The following SRFBP1 variants were observed in gnomAD, a reference collection of about 807,000 sequenced individuals.
The protein encoded by SRFBP1 is serum response factor binding protein 1.
A neutral mutation model predicts 45.5 loss-of-function variants in SRFBP1; 47 were observed. The observed-to-expected ratio is 1.03, with a 90% CI of 0.82 to 1.32. The LOEUF (loss-of-function observed/expected upper bound fraction) is 1.32, where lower values mean the gene tolerates loss of function less well. Among genes scored for constraint, SRFBP1 ranks in the 40% most tolerant of loss-of-function variants. The pLI is 0.00. For synonymous variants in SRFBP1, 203 were observed against 166.3 expected, an observed-to-expected ratio of 1.22 and a Z score of -1.70; for missense variants, 621 against 484.6, an observed-to-expected ratio of 1.28 and a Z score of -2.64.
chr5:122,022,036 C>T (rs1753336918), intron 6 of SRFBP1, among the ~76,000 whole-genome samples: 2 of 151,968 alleles, frequency 1.3e-5, no homozygotes, highest in South Asian at 2.1e-4. Flanking sequence ...GTCATTCTTC[C>T]TGTGAAAAGA....
chr5:122,074,227 G>A lies in SRFBP1; in HGVS notation n.312-1088G>A, dbSNP rs975322392. ...AGTTACATACAGAGAAAGCAATGAA[G>A]ATATTAAATGACTTCCCCCATGGCT... On this transcript the variant is annotated intron_variant and non_coding_transcript_variant, in intron 2 of 2. Coordinates refer to the SRFBP1 transcript ENST00000504881. 5 of 1,431,322 alleles carry A rather than the reference G, an allele frequency of 3.5e-6. No individual in the cohort carries two copies. The Admixed American group carries it at 5.5e-5, about 16-fold the overall frequency. The allele number at this position is 1,431,322 out of a possible 1,614,324, so 88.7% of individuals were successfully genotyped here.
intron 4 of SRFBP1, among the ~76,000 whole-genome samples, chr5:122,008,139 A>G (rs1334524441): frequency 1.3e-5 from 2 of 151,672 alleles, no homozygotes; most frequent in Non-Finnish European, 2.9e-5. Context: ...TGAGACCACA[A>G]GTGCTGACCT....
At chr5:121,987,004 A>G (rs1308943109) in intron 3 of SRFBP1, among the ~76,000 whole-genome samples, 1 of 152,154 alleles carries the variant, frequency 6.6e-6, no homozygotes, top group Non-Finnish European at 1.5e-5. Flanking sequence ...GAGTACTGAA[A>G]GAATTTAAAT....
At chr5:122,064,108 A>T (rs1754237096) in intron 2 of SRFBP1, 1 of 151,952 alleles carries the variant, frequency 6.6e-6, no homozygotes, top group African/African-American at 2.4e-5. Flanking sequence ...GTTCCTATTT[A>T]GTCCATTTTC....
At chr5:121,962,206 T>TG (rs1751960619) in intron 1 of SRFBP1, 138 bp downstream of exon 1, 1 of 1,029,288 alleles carries the variant, frequency 9.7e-7, no homozygotes, top group Non-Finnish European at 1.5e-6. Flanking sequence ...TCCCGCAACT[T>TG]GGAGTTTGGC....
chr5:122,003,947 T>A (rs1752930260), intron 4 of SRFBP1, among the ~76,000 whole-genome samples: 1 of 152,134 alleles, frequency 6.6e-6, no homozygotes, highest in Non-Finnish European at 1.5e-5. Flanking sequence ...TTTCTATGTT[T>A]TATTTGAGAC....
At chr5:122,038,047 A>G (rs1753719737) in intron 2 of SRFBP1, among the ~76,000 whole-genome samples, 3 of 152,220 alleles carry the variant, frequency 2.0e-5, no homozygotes, top group Admixed American at 2.0e-4. Flanking sequence ...TCTCCCACTC[A>G]TTTTTTATGT....
chr5:122,044,470 T>C (rs1373290658), intron 2 of SRFBP1, among the ~76,000 whole-genome samples: 1 of 152,152 alleles, frequency 6.6e-6, no homozygotes, highest in African/African-American at 2.4e-5. Flanking sequence ...CTTCAACCAG[T>C]AGTGTAAGTA....
At chr5:122,061,278 C>T (rs577874345) in intron 2 of SRFBP1, among the ~76,000 whole-genome samples, 30 of 151,782 alleles carry the variant, frequency 2.0e-4, no homozygotes, top group Non-Finnish European at 3.7e-4. Context: ...CCTACTTATA[C>T]AATTGTGTTA....
intron 3 of SRFBP1, among the ~76,000 whole-genome samples, chr5:121,979,170 A>G (rs1300727135): frequency 6.6e-6 from 1 of 152,220 alleles, no homozygotes; most frequent in African/African-American, 2.4e-5. Context: ...TAATAACTAT[A>G]TCATACCACT....
intron 2 of SRFBP1, chr5:122,070,688 T>TAG (rs1754425103): frequency 1.6e-6 from 1 of 618,956 alleles, no homozygotes; most frequent in African/African-American, 1.8e-5. Flanking sequence ...AGTTAGTACT[T>TAG]ACAAGAGTCT....
At chr5:121,965,901 A>T (rs1752053861) in intron 1 of SRFBP1, among the ~76,000 whole-genome samples, 2 of 152,142 alleles carry the variant, frequency 1.3e-5, no homozygotes, top group African/African-American at 4.8e-5. Flanking sequence ...GAGGTCCTTC[A>T]CATCCCTGTA....
At chr5:121,981,789 A>G (rs1752413383) in intron 3 of SRFBP1, among the ~76,000 whole-genome samples, 1 of 151,926 alleles carries the variant, frequency 6.6e-6, no homozygotes. Flanking sequence ...TTTACTTTGT[A>G]TGTATTTCCG....
chr5:122,068,654 G>A (rs1580558088), intron 2 of SRFBP1, among the ~76,000 whole-genome samples: 1 of 152,234 alleles, frequency 6.6e-6, no homozygotes, highest in East Asian at 1.9e-4. Context: ...TCACTGAGTA[G>A]AGCAGGAGAC....
At chr5:122,000,705 C>T (rs1454321892) in intron 4 of SRFBP1, among the ~76,000 whole-genome samples, 1 of 152,138 alleles carries the variant, frequency 6.6e-6, no homozygotes, top group Admixed American at 6.5e-5. Context: ...AAGATGTTCA[C>T]TCTGACTGGT....
chr5:122,014,493 A>G lies in SRFBP1; in HGVS notation c.271-4767A>G, dbSNP rs142499143. Among the ~76,000 whole-genome samples the G allele has an allele frequency of 8.1e-3, 1,231 of 152,202 alleles. 5 individuals are homozygous for G. The highest frequency in any genetic ancestry group is 0.012 in the Non-Finnish European group (834 of 67,986). On this transcript the variant is annotated intron_variant, in intron 4 of 7. Coordinates refer to ENST00000339397, the MANE Select transcript of SRFBP1 (RefSeq NM_152546.3). ...CAGTCTCATTTTATATAAACTTGAT[A>G]TTCTTCCACAAATAAGTGCTCCACA...
intron 2 of SRFBP1, chr5:122,064,015 T>G (rs1425113559): frequency 1.3e-5 from 2 of 151,900 alleles, no homozygotes; most frequent in Admixed American, 6.6e-5. Flanking sequence ...GGTCAAGACA[T>G]CTTTAACCCA....
chr5:122,059,101 G>C (rs185222869), intron 2 of SRFBP1, among the ~76,000 whole-genome samples: 3 of 152,142 alleles, frequency 2.0e-5, no homozygotes. Context: ...GAAAAGAAGA[G>C]TATGTCGTTT....
intron 2 of SRFBP1, among the ~76,000 whole-genome samples, chr5:122,036,332 A>AC (rs759669318): frequency 1.6e-4 from 24 of 151,358 alleles, no homozygotes; most frequent in Non-Finnish European, 2.5e-4. Context: ...TATGTGACTG[A>AC]CCCCCCCATT....
Sources: gnomAD v4.1 joint callset for allele counts (sites outside exome capture counted in the v4.1 genomes callset) on GRCh38, gnomAD v4.1.1 for gene constraint, MANE v1.5 for transcripts, NCBI Gene and HGNC (gene_info 2026-07-23, HGNC 2026-07-21) for gene names.